NDFIP2: variants seen among roughly 807,000 people sequenced by gnomAD.
NDFIP2 encodes the protein NEDD4 family-interacting protein 2.
NDFIP2 carries 19 observed loss-of-function variants against 36.0 expected under a neutral mutation model. That is an observed-to-expected ratio of 0.53 (90% CI 0.37 to 0.77). The LOEUF (loss-of-function observed/expected upper bound fraction) is 0.77, where lower values mean the gene tolerates loss of function less well. NDFIP2 is among the 30% of genes least tolerant of loss of function. The pLI, the probability that NDFIP2 is intolerant of heterozygous loss-of-function variation, is 0.00. For missense variants in NDFIP2, 446 were observed against 435.8 expected (o/e 1.02, Z -0.21); for synonymous variants, 181 against 167.7 (o/e 1.08, Z -0.61).
intron 1 of NDFIP2, among the ~76,000 whole-genome samples, chr13:79,491,190 A>G (rs1249984751): frequency 6.6e-6 from 1 of 152,160 alleles, no homozygotes; most frequent in Non-Finnish European, 1.5e-5. Flanking sequence ...TACTGTATAT[A>G]TCTTTCCATA....
intron 1 of NDFIP2, 29 bp downstream of exon 1, chr13:79,481,553 G>GGACTGCCTCCCGC: frequency 6.6e-7 from 1 of 1,524,696 alleles, no homozygotes; most frequent in Non-Finnish European, 8.8e-7. Context: ...GTGCCTCCCG[G>GGACTGCCTCCCGC]GACTGCCTCC....
chr13:79,484,402 A>G (rs2079831369), intron 1 of NDFIP2, among the ~76,000 whole-genome samples: 1 of 152,186 alleles, frequency 6.6e-6, no homozygotes, highest in South Asian at 2.1e-4. Flanking sequence ...TATTCTGTGT[A>G]CAAGTTAAAT....
chr13:79,546,508 C>T (rs1451855803), intron 5 of NDFIP2, among the ~76,000 whole-genome samples: 1 of 152,034 alleles, frequency 6.6e-6, no homozygotes, highest in African/African-American at 2.4e-5. Context: ...TTTCTCTAGC[C>T]TGTGACTGGC....
intron 6 of NDFIP2, 51 bp from the exon 7 acceptor site, chr13:79,550,966 C>A: frequency 9.3e-7 from 1 of 1,074,582 alleles, no homozygotes; most frequent in Admixed American, 2.5e-5. Flanking sequence ...ATTTATCTTG[C>A]CCTTTTCTGT....
intron 2 of NDFIP2, 82 bp downstream of exon 2, chr13:79,521,057 T>C: frequency 1.6e-6 from 2 of 1,220,534 alleles, no homozygotes; most frequent in East Asian, 2.4e-5. Flanking sequence ...TGTCTGTTAA[T>C]GGGCTTATAA....
At chr13:79,497,536 T>G (rs1873478121) in intron 1 of NDFIP2, among the ~76,000 whole-genome samples, 1 of 151,780 alleles carries the variant, frequency 6.6e-6, no homozygotes. Flanking sequence ...GGTAGTTGTG[T>G]TTTTTTATTT....
Position 79,492,298 on chromosome 13 carries a change from G to C in NDFIP2, c.321+10774G>C, listed in dbSNP as rs901271978. Among the ~76,000 whole-genome samples the C allele has an allele frequency of 2.7e-5, 4 of 147,108 alleles. No individual in the cohort carries two copies. In the Admixed American group the frequency reaches 2.8e-4, roughly 10 times the overall value. On this transcript the variant is annotated intron_variant, in intron 1 of 7. Transcript: ENST00000218652. ...TTCTTTATAAGTGTTCAAAGTGACA[G>C]CTTTTGTAGAACATTTGTTCTCCTC...
chr13:79,524,570 C>CTTGACA (rs958571012), intron 2 of NDFIP2, among the ~76,000 whole-genome samples: 30 of 152,238 alleles, frequency 2.0e-4, no homozygotes, highest in Admixed American at 1.2e-3. Flanking sequence ...AAAGTAAAAC[C>CTTGACA]TTGACATTTT....
chr13:79,482,182 T>C (rs1213396357), intron 1 of NDFIP2, among the ~76,000 whole-genome samples: 8 of 146,788 alleles, frequency 5.5e-5, no homozygotes, highest in Non-Finnish European at 7.5e-5. Flanking sequence ...TTTTTTTTTT[T>C]TTTTTTTTTT....
At chr13:79,485,427 T>C (rs1872931174) in intron 1 of NDFIP2, among the ~76,000 whole-genome samples, 1 of 152,218 alleles carries the variant, frequency 6.6e-6, no homozygotes, top group South Asian at 2.1e-4. Flanking sequence ...CCTTACTGAA[T>C]AGTACATGTT....
At chr13:79,539,886 T>A in intron 4 of NDFIP2, 111 bp downstream of exon 4, 1 of 802,984 alleles carries the variant, frequency 1.2e-6, no homozygotes, top group Non-Finnish European at 2.1e-6. Flanking sequence ...CTACCTTTCT[T>A]AAAATGTAAA....
At position 79,481,256 on chromosome 13, in the gene NDFIP2, A is replaced by G; in HGVS notation, c.53A>G (p.Asn18Ser). The G allele has an allele frequency of 6.5e-7, 1 of 1,536,060 alleles. No individual in the cohort carries two copies. The highest frequency in any genetic ancestry group is 8.7e-7 in the Non-Finnish European group (1 of 1,146,134). ...RVCASGPSML[N>S]SARGAPELLR... is the part of the protein sequence containing the mutation. The stretch of plus-strand genomic sequence containing the variant: ...TGCGCGAGCGGTCCGAGCATGCTCA[A>G]TAGCGCGCGCGGCGCCCCGGAGCTT... Residue 18 changes from asparagine to serine, a missense_variant, in exon 1 of 8, where the codon AAT becomes AGT. Physicochemically the swap from Asn to Ser is conservative, Grantham distance 46. Transcript: ENST00000218652.
At chr13:79,519,225 A>C (rs1401214747) in intron 1 of NDFIP2, 1 of 152,190 alleles carries the variant, frequency 6.6e-6, no homozygotes, top group Non-Finnish European at 1.5e-5. Flanking sequence ...TTAACATTGA[A>C]TTTCTTAGAG....
chr13:79,541,062 A>G (rs1207410128), intron 4 of NDFIP2, among the ~76,000 whole-genome samples: 2 of 152,128 alleles, frequency 1.3e-5, no homozygotes, highest in African/African-American at 2.4e-5. Context: ...AACTTCTCAC[A>G]GTTTGTTTAC....
At chr13:79,522,752 T>A (rs1213537828) in intron 2 of NDFIP2, among the ~76,000 whole-genome samples, 1 of 152,210 alleles carries the variant, frequency 6.6e-6, no homozygotes, top group Non-Finnish European at 1.5e-5. Context: ...CAGTAGATGG[T>A]GGCTGGGTTC....
At position 79,522,862 on chromosome 13, in the gene NDFIP2, G is replaced by A. The variant is rs576001496; in HGVS notation, c.487+1887G>A. On this transcript the variant is annotated intron_variant, in intron 2 of 7. Transcript: ENST00000218652. ...GGTATCCCTTATGCCATATTTTGTT[G>A]TTAGAAATGAGTCACTAAGTTTAGT... Among the ~76,000 whole-genome samples the A allele has an allele frequency of 4.6e-5, 7 of 152,282 alleles. No homozygotes were observed. The South Asian group carries it at 1.5e-3, about 32-fold the overall frequency.
At chr13:79,521,047 T>C (rs1239404318) in intron 2 of NDFIP2, 72 bp downstream of exon 2, 7 of 1,274,662 alleles carry the variant, frequency 5.5e-6, no homozygotes, top group Non-Finnish European at 7.6e-6. Flanking sequence ...GTAATTATCA[T>C]GTCTGTTAAT....
chr13:79,485,245 A>G (rs1429908189), intron 1 of NDFIP2, among the ~76,000 whole-genome samples: 1 of 152,190 alleles, frequency 6.6e-6, no homozygotes, highest in African/African-American at 2.4e-5. Flanking sequence ...TATCTTAGCA[A>G]ACAACAAACA....
At chr13:79,503,756 A>C (rs1262375328) in intron 1 of NDFIP2, among the ~76,000 whole-genome samples, 1 of 152,116 alleles carries the variant, frequency 6.6e-6, no homozygotes, top group Non-Finnish European at 1.5e-5. Context: ...TGAGGGGATG[A>C]TATTGTGGGT....
Sources: allele counts gnomAD v4.1 joint callset (sites outside exome capture counted in the v4.1 genomes callset), GRCh38; gene constraint gnomAD v4.1.1; transcripts MANE v1.5; gene names NCBI Gene and HGNC (gene_info 2026-07-23, HGNC 2026-07-21).